The following AGBL1 variants were observed in gnomAD, a reference collection of about 807,000 sequenced individuals.
The protein encoded by AGBL1 is cytosolic carboxypeptidase 4.
A neutral mutation model predicts 118.9 loss-of-function variants in AGBL1; 130 were observed. That is an observed-to-expected ratio of 1.09 (90% confidence interval 0.95 to 1.26). AGBL1 has a LOEUF of 1.26. Among genes scored for constraint, AGBL1 ranks in the 50% most tolerant of loss-of-function variants. The probability of loss-of-function intolerance (pLI) is 0.00; values close to 1 mark genes in which losing one functional copy is unlikely to be tolerated. For missense variants in AGBL1, 1,584 were observed against 1,298.1 expected (o/e 1.22, Z -3.38); for synonymous variants, 555 against 478.9 (o/e 1.16, Z -2.08).
At chr15:86,268,271 C>T (rs1164895424) in intron 13 of AGBL1, among the ~76,000 whole-genome samples, 1 of 151,822 alleles carries the variant, frequency 6.6e-6, no homozygotes, top group Non-Finnish European at 1.5e-5. Flanking sequence ...AAAACAGAGA[C>T]CAGTTTAATC....
chr15:86,157,868 C>T (rs2077213936), intron 4 of AGBL1, among the ~76,000 whole-genome samples: 1 of 152,174 alleles, frequency 6.6e-6, no homozygotes, highest in Non-Finnish European at 1.5e-5. Context: ...GGACAGGCAT[C>T]CACAAAAGTG....
rs554381150 is a variant in AGBL1, at chr15:86,459,742, A to G, written c.2555+62196A>G. On this transcript the variant is annotated intron_variant, in intron 18 of 22. Coordinates refer to ENST00000614907, the MANE Select transcript of AGBL1 (RefSeq NM_001386094.1). ...GCTTTTTGGAAATGGTAGAATTTGAACTTAGGTCTCTGACTCCTAAGGGTA... is the reference window on the plus strand; with the variant it reads ...GCTTTTTGGAAATGGTAGAATTTGAGCTTAGGTCTCTGACTCCTAAGGGTA... 3.3e-5 allele frequency among the ~76,000 whole-genome samples: 5 copies of G among 152,196 alleles called. No homozygotes were observed. In the East Asian group the frequency reaches 9.7e-4, roughly 30 times the overall value.
chr15:86,340,315 A>G (rs748329203), intron 17 of AGBL1, among the ~76,000 whole-genome samples: 7 of 149,046 alleles, frequency 4.7e-5, no homozygotes, highest in Middle Eastern at 3.4e-3. Flanking sequence ...ATTCATGTCT[A>G]TTCAGAAGCT....
chr15:86,517,161 G>A (rs970512614), intron 18 of AGBL1, among the ~76,000 whole-genome samples: 5 of 152,216 alleles, frequency 3.3e-5, no homozygotes, highest in African/African-American at 4.8e-5. Flanking sequence ...CAGATGAGAT[G>A]CTAAAAGTCC....
chr15:86,287,745 T>A (rs1246290888), intron 16 of AGBL1, among the ~76,000 whole-genome samples: 1 of 152,116 alleles, frequency 6.6e-6, no homozygotes, highest in Admixed American at 6.6e-5. Context: ...CAAACAGATT[T>A]AATAAGAAAG....
intron 3 of AGBL1, among the ~76,000 whole-genome samples, chr15:86,145,671 G>A (rs931548330): frequency 2.0e-5 from 3 of 152,142 alleles, no homozygotes; most frequent in Non-Finnish European, 2.9e-5. Flanking sequence ...ACCTGCATGA[G>A]CGTGTCCCAG....
At chr15:86,319,569 G>C (rs1025373790) in intron 17 of AGBL1, among the ~76,000 whole-genome samples, 3 of 151,740 alleles carry the variant, frequency 2.0e-5, no homozygotes. Context: ...TACCAATTCT[G>C]ACGTAAATCA....
intron 22 of AGBL1, among the ~76,000 whole-genome samples, chr15:86,741,898 T>A (rs2077685371): frequency 6.6e-6 from 1 of 152,134 alleles, no homozygotes; most frequent in African/African-American, 2.4e-5. Context: ...ATATGGTAGA[T>A]GTTTTATAAA....
intron 24 of AGBL1, chr15:86,988,092 A>T (rs768707941): frequency 6.2e-7 from 1 of 1,613,250 alleles, no homozygotes; most frequent in African/African-American, 1.3e-5. Context: ...TCTCCCCGTG[A>T]GTATGTCAGT....
chr15:86,648,566 G>C (rs1323672096), intron 21 of AGBL1, among the ~76,000 whole-genome samples: 1 of 152,188 alleles, frequency 6.6e-6, no homozygotes, highest in African/African-American at 2.4e-5. Flanking sequence ...ATTTCTGTTA[G>C]ATAGCCAAGT....
intron 21 of AGBL1, among the ~76,000 whole-genome samples, chr15:86,610,320 G>A (rs1490114147): frequency 6.6e-6 from 1 of 152,130 alleles, no homozygotes; most frequent in East Asian, 1.9e-4. Flanking sequence ...CAACCCAGTG[G>A]TTCTTTGGTC....
chr15:86,610,479 T>C (rs889569831), intron 21 of AGBL1, among the ~76,000 whole-genome samples: 8 of 152,216 alleles, frequency 5.3e-5, no homozygotes, highest in Non-Finnish European at 1.5e-5. Context: ...ATGTGGAATG[T>C]ACTTTGGGCG....
upstream of AGBL1, chr15:86,079,674 C>G (rs1284619330): frequency 1.5e-5 from 4 of 274,000 alleles, no homozygotes; most frequent in Non-Finnish European, 2.7e-5. Flanking sequence ...TCTGCTCCTG[C>G]ATGGGCCTGG....
chr15:86,873,862 A>C (rs1027896665), intron 22 of AGBL1, among the ~76,000 whole-genome samples: 1 of 152,164 alleles, frequency 6.6e-6, no homozygotes, highest in African/African-American at 2.4e-5. Flanking sequence ...GCATAATAGA[A>C]ACTATAGAAT....
Position 86,485,648 on chromosome 15 carries a change from T to C in AGBL1, c.2556-37162T>C, listed in dbSNP as rs74025142. Among the ~76,000 whole-genome samples the C allele has an allele frequency of 5.5e-4, 84 of 152,232 alleles. 1 individual carries two copies. Among genetic ancestry groups the C allele is most frequent in the African/African-American group, 1.9e-3 (79 of 41,558 alleles). Reference sequence around the variant, plus strand: ...TATACATCTGATTTCTGCTCACCCTTGTAAAAATGTAAAAATTATTCTCAG... The same window carrying C: ...TATACATCTGATTTCTGCTCACCCTCGTAAAAATGTAAAAATTATTCTCAG... On this transcript the variant is annotated intron_variant, in intron 18 of 22. Transcript: ENST00000614907.
At chr15:86,820,585 A>G (rs991481424) in intron 22 of AGBL1, among the ~76,000 whole-genome samples, 5 of 152,240 alleles carry the variant, frequency 3.3e-5, no homozygotes, top group African/African-American at 1.2e-4. Context: ...AAAAAAGCTC[A>G]TCACCATGTG....
chr15:86,198,865 T>G (rs912967272), intron 5 of AGBL1, among the ~76,000 whole-genome samples: 3 of 152,216 alleles, frequency 2.0e-5, no homozygotes, highest in African/African-American at 7.2e-5. Flanking sequence ...CCACCTAGTC[T>G]TGATATTTTA....
chr15:86,780,435 A>G (rs1295036178), intron 22 of AGBL1, among the ~76,000 whole-genome samples: 1 of 152,098 alleles, frequency 6.6e-6, no homozygotes, highest in Non-Finnish European at 1.5e-5. Flanking sequence ...CTTTGATATT[A>G]CTTTGCCTTT....
chr15:86,246,040 C>T (rs28362017), intron 6 of AGBL1, among the ~76,000 whole-genome samples: 5,649 of 152,206 alleles, frequency 0.037, 329 homozygotes, highest in African/African-American at 0.13. Flanking sequence ...TGCAAGCCAC[C>T]ACATTTGGCT....
Sources: gnomAD v4.1 joint callset for allele counts (sites outside exome capture counted in the v4.1 genomes callset) on GRCh38, gnomAD v4.1.1 for gene constraint, MANE v1.5 for transcripts, NCBI Gene and HGNC (gene_info 2026-07-23, HGNC 2026-07-21) for gene names.